ADAM32: variants seen among roughly 807,000 people sequenced by gnomAD.
ADAM32 encodes the protein ADAM metallopeptidase domain 32, also known as disintegrin and metalloproteinase domain-containing protein 32.
In ADAM32, 89 loss-of-function variants were observed where a neutral mutation model predicts 114.9. The observed-to-expected ratio is 0.77, with a 90% CI of 0.65 to 0.92. The LOEUF is 0.92. ADAM32 is among the 40% of genes least tolerant of loss of function. The pLI, the probability that ADAM32 is intolerant of heterozygous loss-of-function variation, is 0.00. For synonymous variants in ADAM32, 285 were observed against 307.5 expected, an observed-to-expected ratio of 0.93 and a Z score of 0.77; for missense variants, 870 against 932.8, an observed-to-expected ratio of 0.93 and a Z score of 0.88.
intron 11 of ADAM32, among the ~76,000 whole-genome samples, chr8:39,209,103 CT>C (rs1384913636): frequency 6.6e-6 from 1 of 152,112 alleles, no homozygotes; most frequent in African/African-American, 2.4e-5. Flanking sequence ...CCTCTACTCC[CT>C]TTGAAGGTCA....
chr8:39,121,653 C>A (rs1840597039), intron 2 of ADAM32, among the ~76,000 whole-genome samples: 1 of 152,142 alleles, frequency 6.6e-6, no homozygotes. Flanking sequence ...ATCATCAGGG[C>A]TGCCACTCCT....
intron 16 of ADAM32, among the ~76,000 whole-genome samples, chr8:39,236,074 T>C (rs1189905369): frequency 6.6e-6 from 1 of 152,178 alleles, no homozygotes; most frequent in Non-Finnish European, 1.5e-5. Flanking sequence ...TTGCCATAAA[T>C]AATGGAGTTG....
At chr8:39,253,099 C>G (rs967295993) in intron 17 of ADAM32, among the ~76,000 whole-genome samples, 1 of 151,608 alleles carries the variant, frequency 6.6e-6, no homozygotes, top group African/African-American at 2.4e-5. Context: ...GAATCATACA[C>G]TATGACCAGA....
intron 11 of ADAM32, among the ~76,000 whole-genome samples, chr8:39,205,521 A>G (rs993411497): frequency 3.9e-5 from 6 of 152,242 alleles, no homozygotes; most frequent in African/African-American, 1.4e-4. Flanking sequence ...GCCATCTGTC[A>G]CAGCTTCGCT....
chr8:39,175,899 G>A (rs1231850390), intron 10 of ADAM32, among the ~76,000 whole-genome samples: 1 of 152,048 alleles, frequency 6.6e-6, no homozygotes, highest in African/African-American at 2.4e-5. Flanking sequence ...TTTCTTCCTG[G>A]TTCAGTCTTG....
At chr8:39,265,710 G>GTAGC (rs1219791547) in intron 19 of ADAM32, among the ~76,000 whole-genome samples, 1 of 152,046 alleles carries the variant, frequency 6.6e-6, no homozygotes, top group Non-Finnish European at 1.5e-5. Context: ...GTGGTGGCAG[G>GTAGC]TAGCTGGTTG....
intron 11 of ADAM32, among the ~76,000 whole-genome samples, chr8:39,198,597 C>T (rs758847505): frequency 5.3e-5 from 8 of 152,160 alleles, no homozygotes; most frequent in Admixed American, 2.6e-4. Context: ...ATGCTGGTCT[C>T]GAACTCCTGA....
chr8:39,216,257 T>C lies in ADAM32; in HGVS notation c.1233+4933T>C, dbSNP rs116127262. On this transcript the variant is annotated intron_variant, in intron 12 of 24. Coordinates refer to ENST00000379907, the MANE Select transcript of ADAM32 (RefSeq NM_145004.7). Reference sequence around the variant, plus strand: ...AGTTTCCATTGGCAAAGGATCCCTTTCCATCCATTTATTTTCAGTCTGTGT... The same window carrying C: ...AGTTTCCATTGGCAAAGGATCCCTTCCCATCCATTTATTTTCAGTCTGTGT... Among the ~76,000 whole-genome samples, 673 of 152,174 alleles carry C rather than the reference T, an allele frequency of 4.4e-3. 4 individuals carry two copies. Among genetic ancestry groups the C allele is most frequent in the African/African-American group, 0.015 (640 of 41,572 alleles).
Position 39,254,404 on chromosome 8 carries a change from A to G in ADAM32, c.1903-10A>G. On this transcript the variant is annotated splice_polypyrimidine_tract_variant and intron_variant, in intron 17 of 24. Transcript: ENST00000379907. Reference sequence around the variant, plus strand: ...TAAAACAATCATTTAATTTTTCAAAATGATCCTAGGTGTGTGATTCCAGAA... The same window carrying G: ...TAAAACAATCATTTAATTTTTCAAAGTGATCCTAGGTGTGTGATTCCAGAA... The G allele has an allele frequency of 6.4e-7, 1 of 1,567,590 alleles. No individual in the cohort carries two copies. Among genetic ancestry groups the G allele is most frequent in the Non-Finnish European group, 8.7e-7 (1 of 1,151,990 alleles).
chr8:39,139,443 AT>A (rs1459295437), intron 3 of ADAM32, among the ~76,000 whole-genome samples: 5 of 152,226 alleles, frequency 3.3e-5, no homozygotes, highest in South Asian at 4.1e-4. Context: ...TCCTTTCCCC[AT>A]TTCTTGTTTT....
At chr8:39,134,275 T>A (rs1191247417) in intron 2 of ADAM32, among the ~76,000 whole-genome samples, 2 of 151,860 alleles carry the variant, frequency 1.3e-5, no homozygotes, top group Non-Finnish European at 2.9e-5. Context: ...TGGGACTCAG[T>A]GTGAATTCCC....
intron 19 of ADAM32, among the ~76,000 whole-genome samples, chr8:39,268,893 C>T (rs187333725): frequency 1.3e-5 from 2 of 152,322 alleles, no homozygotes; most frequent in Admixed American, 1.3e-4. Context: ...TTCTGAGTAA[C>T]TCTATCCATC....
At chr8:39,204,951 G>T (rs572738154) in intron 11 of ADAM32, among the ~76,000 whole-genome samples, 1 of 152,338 alleles carries the variant, frequency 6.6e-6, no homozygotes, top group African/African-American at 2.4e-5. Context: ...GAATATTGCT[G>T]CACAGCAAAT....
At chr8:39,270,193 A>G (rs1412939765) in intron 19 of ADAM32, among the ~76,000 whole-genome samples, 4 of 152,160 alleles carry the variant, frequency 2.6e-5, no homozygotes, top group Admixed American at 6.5e-5. Flanking sequence ...TTCCTTTCTT[A>G]AAGAAAAAAT....
chr8:39,119,616 A>C (rs142760885), intron 2 of ADAM32, among the ~76,000 whole-genome samples: 58 of 150,956 alleles, frequency 3.8e-4, no homozygotes, highest in African/African-American at 1.3e-3. Flanking sequence ...CAACTTCTCT[A>C]TTTGGAATTA....
At chr8:39,211,402 A>C (rs1585551002) in intron 12 of ADAM32, 78 bp downstream of exon 12, 11 of 1,310,882 alleles carry the variant, frequency 8.4e-6, no homozygotes, top group Admixed American at 6.9e-5. Flanking sequence ...CATATATCTC[A>C]AATGTGAATG....
chr8:39,124,180 C>T (rs184183325), intron 2 of ADAM32, among the ~76,000 whole-genome samples: 1 of 152,168 alleles, frequency 6.6e-6, no homozygotes, highest in African/African-American at 2.4e-5. Flanking sequence ...TCTCCCTCCC[C>T]CAGCTCTCTG....
rs777261468 is a variant in ADAM32 at position 39,254,463 on chromosome 8, C to T, written c.1952C>T (p.Pro651Leu). 2 of 1,602,204 alleles carry T rather than the reference C, an allele frequency of 1.2e-6. No homozygotes were observed. The highest frequency in any genetic ancestry group is 2.2e-5 in the East Asian group (1 of 44,502). Reference sequence around the variant, plus strand: ...CATTGTTCGCCAGGCTATAAGCCTCCAAACTGCCAAATACGTTCCAAAGGA... The same window carrying T: ...CATTGTTCGCCAGGCTATAAGCCTCTAAACTGCCAAATACGTTCCAAAGGA... Reference protein sequence around the residue: ...KCHCSPGYKPPNCQIRSKGFS... With the variant: ...KCHCSPGYKPLNCQIRSKGFS... Residue 651 changes from proline to leucine, a missense_variant, in exon 18 of 25, where the codon CCA (proline) becomes CTA (leucine). Pro to Leu is a moderately conservative substitution (Grantham distance 98). Coordinates refer to ENST00000379907, the MANE Select transcript of ADAM32 (RefSeq NM_145004.7).
intron 1 of ADAM32, among the ~76,000 whole-genome samples, chr8:39,109,581 A>G (rs957599638): frequency 3.3e-5 from 5 of 152,054 alleles, no homozygotes; most frequent in Non-Finnish European, 7.4e-5. Flanking sequence ...ATTAATGAAC[A>G]TTATTTTTTA....
Sources: allele counts gnomAD v4.1 joint callset (sites outside exome capture counted in the v4.1 genomes callset), GRCh38; gene constraint gnomAD v4.1.1; transcripts MANE v1.5; gene names NCBI Gene and HGNC (gene_info 2026-07-23, HGNC 2026-07-21).